The following DAAM2 variants were observed in gnomAD, a reference collection of about 807,000 sequenced individuals.
DAAM2 encodes the protein dishevelled associated activator of morphogenesis 2.
Under a neutral mutation model 120.7 loss-of-function variants are expected in DAAM2, and 39 were observed. The ratio of observed to expected loss-of-function variants is 0.32; its 90% CI spans 0.25 to 0.42. The LOEUF (loss-of-function observed/expected upper bound fraction) is 0.42, where lower values mean the gene tolerates loss of function less well. Among genes scored for constraint, DAAM2 ranks in the 10% least tolerant of loss-of-function variants. The pLI is 1.00. For missense variants in DAAM2, 1,283 were observed against 1,401.7 expected, an observed-to-expected ratio of 0.92 and a Z score of 1.35; for synonymous variants, 488 against 524.9, an observed-to-expected ratio of 0.93 and a Z score of 0.96.
chr6:39,898,677 T>G (rs1766277442), intron 21 of DAAM2, among the ~76,000 whole-genome samples, 200 bp from the exon 22 acceptor site: 1 of 152,228 alleles, frequency 6.6e-6, no homozygotes, highest in South Asian at 2.1e-4. Context: ...TTCACCTTGT[T>G]AATTTATTGA....
At position 39,900,751 on chromosome 6, in the gene DAAM2, G is replaced by T. The variant is rs1309543877; in HGVS notation, c.2811+543G>T. Among the ~76,000 whole-genome samples, 6 of 151,002 alleles carry T rather than the reference G, an allele frequency of 4.0e-5. No homozygotes were observed. In the South Asian group the frequency reaches 1.0e-3, roughly 26 times the overall value. ...CTGCTAGTCCATGAAGCACACTTTTGAGTAGTGAGATCTTTCTTAGAGGAT... is the reference window on the plus strand; with the variant it reads ...CTGCTAGTCCATGAAGCACACTTTTTAGTAGTGAGATCTTTCTTAGAGGAT... On this transcript the variant is annotated intron_variant, in intron 23 of 24. Transcript: ENST00000274867.
chr6:39,841,853 C>T (rs183886834), intron 1 of DAAM2, among the ~76,000 whole-genome samples: 27 of 152,210 alleles, frequency 1.8e-4, no homozygotes, highest in Admixed American at 6.5e-4. Context: ...GCCAGAGTCT[C>T]GTTTCCGTCA....
chr6:39,897,138 C>T, intron 20 of DAAM2, 37 bp from the exon 21 acceptor site: 1 of 1,566,926 alleles, frequency 6.4e-7, no homozygotes, highest in Non-Finnish European at 8.8e-7. Flanking sequence ...GCCCAGTTTC[C>T]TCTGTCACTT....
intron 2 of DAAM2, among the ~76,000 whole-genome samples, chr6:39,860,123 C>A (rs1011755781): frequency 1.3e-5 from 2 of 152,186 alleles, no homozygotes; most frequent in African/African-American, 2.4e-5. Context: ...TAGAGCTTTT[C>A]AGGGGCCGTC....
At chr6:39,806,325 A>T (rs898746777) in intron 1 of DAAM2, among the ~76,000 whole-genome samples, 1 of 152,208 alleles carries the variant, frequency 6.6e-6, no homozygotes, top group Non-Finnish European at 1.5e-5. Flanking sequence ...GAGCCATTTC[A>T]TCTGTTGATA....
At chr6:39,806,061 C>T (rs955709429) in intron 1 of DAAM2, among the ~76,000 whole-genome samples, 2 of 152,126 alleles carry the variant, frequency 1.3e-5, no homozygotes, top group African/African-American at 4.8e-5. Context: ...TATTTTGCCA[C>T]CATCCTTGAG....
intron 1 of DAAM2, among the ~76,000 whole-genome samples, chr6:39,841,328 G>T (rs1209891725): frequency 7.3e-6 from 1 of 137,466 alleles, no homozygotes; most frequent in African/African-American, 2.9e-5. Flanking sequence ...GGCTTCTAGG[G>T]CGAGGGTTCC....
Position 39,869,519 on chromosome 6 carries a change from G to A in DAAM2, c.873+586G>A, listed in dbSNP as rs184245145. 4.0e-3 allele frequency among the ~76,000 whole-genome samples: 602 copies of A among 152,206 alleles called. 12 individuals carry two copies. Among genetic ancestry groups the A allele is most frequent in the Admixed American group, 0.033 (503 of 15,284 alleles). On this transcript the variant is annotated intron_variant, in intron 7 of 24. Transcript: ENST00000274867. Reference sequence around the variant, plus strand: ...GGAGAATCACTTGAACCTGGGAGGCGGAGGTTGCAGTGAGCCAAGATTGCA... The same window carrying A: ...GGAGAATCACTTGAACCTGGGAGGCAGAGGTTGCAGTGAGCCAAGATTGCA...
chr6:39,891,462 A>G lies in DAAM2; in HGVS notation c.2252+15A>G. The G allele has an allele frequency of 2.5e-6, 4 of 1,593,156 alleles. No individual in the cohort carries two copies. The highest frequency in any genetic ancestry group is 3.4e-6 in the Non-Finnish European group (4 of 1,167,884). ...GAAATGAGCAGGTTGGGCCATGGGCATGGTGGGGATTCAAGCAGGTGGGGT... is the reference window on the plus strand; with the variant it reads ...GAAATGAGCAGGTTGGGCCATGGGCGTGGTGGGGATTCAAGCAGGTGGGGT... On this transcript the variant is annotated intron_variant, in intron 18 of 24. Coordinates refer to ENST00000274867, the MANE Select transcript of DAAM2 (RefSeq NM_001201427.2).
chr6:39,875,124 A>C (rs973162560), intron 10 of DAAM2, among the ~76,000 whole-genome samples: 1 of 152,200 alleles, frequency 6.6e-6, no homozygotes, highest in Non-Finnish European at 1.5e-5. Context: ...ACACATCCGT[A>C]GAAGTCTAGT....
intron 1 of DAAM2, among the ~76,000 whole-genome samples, chr6:39,831,484 A>G (rs1454749601): frequency 6.6e-6 from 1 of 152,068 alleles, no homozygotes; most frequent in East Asian, 2.0e-4. Flanking sequence ...TCATTTTCAC[A>G]TGGGGAAACT....
rs79212573 is a variant in DAAM2 at position 39,800,247 on chromosome 6, G to A, written c.-57+7782G>A. 5.7e-3 allele frequency among the ~76,000 whole-genome samples: 865 copies of A among 152,256 alleles called. 3 individuals carry two copies. The highest frequency in any genetic ancestry group is 0.018 in the African/African-American group (744 of 41,550). The stretch of plus-strand genomic sequence containing the variant: ...TGCTTTGGCTCTTAGGCTGCGTGAC[G>A]GATGTACACAGCCTGCTGACCACCC... On this transcript the variant is annotated intron_variant, in intron 1 of 24. Coordinates refer to ENST00000274867, the MANE Select transcript of DAAM2 (RefSeq NM_001201427.2).
intron 15 of DAAM2, chr6:39,885,391 G>A (rs1260254906): frequency 6.6e-6 from 1 of 152,230 alleles, no homozygotes; most frequent in Non-Finnish European, 1.5e-5. Context: ...GTGGGGTTGA[G>A]GACAGAGGAG....
rs570535030 is a variant in DAAM2 at position 39,901,746 on chromosome 6, T to TG, written c.2983-61dup. On this transcript the variant is annotated intron_variant, in intron 24 of 24. Coordinates refer to ENST00000274867, the MANE Select transcript of DAAM2 (RefSeq NM_001201427.2). This position sits in a 1 kb window ranked among gnomAD's most constrained non-coding sequence, Gnocchi z 4.5. The stretch of plus-strand genomic sequence containing the variant: ...CATGGCCTAGGAGTTAGCCCAGGGT[T>TG]GGGGGGCTGCCCTGGCCTCAGCGCC... The TG allele has an allele frequency of 5.5e-5, 77 of 1,387,878 alleles. No homozygotes were observed. The highest frequency in any genetic ancestry group is 3.1e-4 in the East Asian group (13 of 41,420). The allele number at this position is 1,387,878 out of a possible 1,614,324, so 86.0% of individuals were successfully genotyped here. A position where few individuals can be genotyped will look rare whatever the true frequency, so the allele number is the denominator to read the frequency against.
chr6:39,897,032 T>C (rs1197519204), intron 20 of DAAM2, 52 bp downstream of exon 20: 1 of 1,570,050 alleles, frequency 6.4e-7, no homozygotes, highest in African/African-American at 1.4e-5. Context: ...CACCCTACCC[T>C]GGCCTCTCAC....
intron 1 of DAAM2, among the ~76,000 whole-genome samples, chr6:39,837,295 A>G (rs886333866): frequency 1.3e-5 from 2 of 152,154 alleles, no homozygotes; most frequent in African/African-American, 4.8e-5. Context: ...GGAGGTCCAT[A>G]GTCCCCATCC....
chr6:39,844,951 CCATACACAT>C (rs1165816899), intron 1 of DAAM2, among the ~76,000 whole-genome samples: 1 of 150,194 alleles, frequency 6.7e-6, no homozygotes, highest in Non-Finnish European at 1.5e-5. Flanking sequence ...CACATATACA[CCATACACAT>C]ACCACATGTA....
chr6:39,801,688 G>A (rs527252500), intron 1 of DAAM2, among the ~76,000 whole-genome samples: 2 of 152,320 alleles, frequency 1.3e-5, no homozygotes, highest in South Asian at 4.1e-4. Flanking sequence ...CCGCCTTTCA[G>A]GTTATGTACA....
intron 1 of DAAM2, among the ~76,000 whole-genome samples, chr6:39,799,975 T>C (rs910036869): frequency 1.5e-4 from 23 of 152,240 alleles, no homozygotes; most frequent in Non-Finnish European, 2.4e-4. Context: ...TGTTACTCTG[T>C]AGCATACTTT....
Sources: gnomAD v4.1 joint callset for allele counts (sites outside exome capture counted in the v4.1 genomes callset) on GRCh38, gnomAD v4.1.1 for gene constraint, Gnocchi (gnomAD v3.1) non-coding constraint, MANE v1.5 for transcripts, NCBI Gene and HGNC (gene_info 2026-07-23, HGNC 2026-07-21) for gene names.